DIAPH3: variants seen among roughly 807,000 people sequenced by gnomAD.
DIAPH3 encodes protein diaphanous homolog 3.
DIAPH3 carries 117 observed loss-of-function variants against 144.3 expected under a neutral mutation model. The observed-to-expected ratio is 0.81, with a 90% CI of 0.70 to 0.95. DIAPH3 has a LOEUF of 0.95. Ranked by LOEUF, DIAPH3 falls within the 40% of genes least tolerant of loss-of-function variation. The probability of loss-of-function intolerance (pLI) is 0.00; values close to 1 mark genes in which losing one functional copy is unlikely to be tolerated. For synonymous variants in DIAPH3, 519 were observed against 488.9 expected (o/e 1.06, Z -0.81); for missense variants, 1,421 against 1,412.7 (o/e 1.01, Z -0.09).
intron 27 of DIAPH3, among the ~76,000 whole-genome samples, chr13:59,726,615 C>G (rs1171228187): frequency 6.6e-6 from 1 of 152,130 alleles, no homozygotes; most frequent in African/African-American, 2.4e-5. Flanking sequence ...AGCCATAGAT[C>G]CAGCCTGAGA....
At chr13:60,002,071 T>C (rs2052557381) in intron 9 of DIAPH3, among the ~76,000 whole-genome samples, 1 of 152,162 alleles carries the variant, frequency 6.6e-6, no homozygotes, top group South Asian at 2.1e-4. Flanking sequence ...TAACACATCA[T>C]ACTGTATCTG....
At chr13:60,112,476 T>C (rs1205038307) in intron 2 of DIAPH3, among the ~76,000 whole-genome samples, 1 of 152,182 alleles carries the variant, frequency 6.6e-6, no homozygotes, top group Non-Finnish European at 1.5e-5. Context: ...CTTTGCTTTA[T>C]ATATTAGCAA....
At chr13:59,902,585 C>A (rs915032531) in intron 20 of DIAPH3, among the ~76,000 whole-genome samples, 1 of 152,084 alleles carries the variant, frequency 6.6e-6, no homozygotes, top group Non-Finnish European at 1.5e-5. Flanking sequence ...ACAAGCCTGG[C>A]CAACATGGTG....
intron 17 of DIAPH3, among the ~76,000 whole-genome samples, chr13:59,962,380 T>C (rs960243811): frequency 2.6e-5 from 4 of 152,224 alleles, no homozygotes; most frequent in Non-Finnish European, 5.9e-5. Context: ...AATACACATG[T>C]GAGGAAGCAA....
chr13:59,918,730 G>A (rs1316135587), intron 18 of DIAPH3, among the ~76,000 whole-genome samples: 1 of 152,000 alleles, frequency 6.6e-6, no homozygotes, highest in Admixed American at 6.6e-5. Flanking sequence ...CTAAAATAAA[G>A]TCACACTGAG....
intron 4 of DIAPH3, among the ~76,000 whole-genome samples, chr13:60,057,999 G>C (rs2056621793): frequency 6.6e-6 from 1 of 151,520 alleles, no homozygotes; most frequent in African/African-American, 2.4e-5. Flanking sequence ...TAATTTATGA[G>C]TGAGACCCCA....
intron 18 of DIAPH3, among the ~76,000 whole-genome samples, chr13:59,922,372 G>A (rs1041237335): frequency 6.6e-6 from 1 of 152,028 alleles, no homozygotes; most frequent in African/African-American, 2.4e-5. Context: ...AAAAATATAG[G>A]AAACCAAAAC....
intron 4 of DIAPH3, among the ~76,000 whole-genome samples, chr13:60,066,890 A>AG (rs2056988975): frequency 6.6e-6 from 1 of 152,230 alleles, no homozygotes; most frequent in African/African-American, 2.4e-5. Context: ...GTTAACCAAA[A>AG]TGTATCAAAG....
At chr13:60,040,312 A>C (rs1022401531) in intron 5 of DIAPH3, among the ~76,000 whole-genome samples, 2 of 150,780 alleles carry the variant, frequency 1.3e-5, no homozygotes, top group African/African-American at 4.9e-5. Context: ...TTCTCCAATG[A>C]TATTTTCTAT....
At chr13:59,921,796 A>G (rs2047532333) in intron 18 of DIAPH3, among the ~76,000 whole-genome samples, 1 of 152,058 alleles carries the variant, frequency 6.6e-6, no homozygotes, top group Non-Finnish European at 1.5e-5. Flanking sequence ...CTACTTGTCA[A>G]TAACCCTGAA....
intron 17 of DIAPH3, 40 bp from the exon 18 acceptor site, chr13:59,924,910 C>A (rs770923658): frequency 2.3e-5 from 37 of 1,575,514 alleles, no homozygotes; most frequent in Admixed American, 3.5e-5. Flanking sequence ...GGCAGCAATT[C>A]ATTCAAATAC....
chr13:59,898,155 A>G (rs1399243981), intron 20 of DIAPH3, among the ~76,000 whole-genome samples: 1 of 147,378 alleles, frequency 6.8e-6, no homozygotes, highest in Non-Finnish European at 1.5e-5. Flanking sequence ...AAAAAAAAAA[A>G]AGAAAAAGAA....
chr13:60,140,037 A>G (rs1273015110), intron 1 of DIAPH3, among the ~76,000 whole-genome samples: 14 of 152,188 alleles, frequency 9.2e-5, no homozygotes, highest in Admixed American at 9.2e-4. Context: ...AGTATTTGCT[A>G]TACAGAGAAT....
At chr13:59,786,014 G>A (rs1029582638) in intron 25 of DIAPH3, among the ~76,000 whole-genome samples, 8 of 152,034 alleles carry the variant, frequency 5.3e-5, no homozygotes, top group South Asian at 2.1e-4. Flanking sequence ...AGTTGCTCTG[G>A]ATAAAACATA....
Position 59,929,554 on chromosome 13 carries a change from C to CTTT in DIAPH3, c.2075-4687_2075-4685dup, listed in dbSNP as rs1167902415. ...TTTTTCTCCATATCTAAATTTTGTT[C>CTTT]TTTTTTTTTTTTTTTTTTTTTTTTT... On this transcript the variant is annotated intron_variant, in intron 17 of 27. Transcript: ENST00000400324. Among the ~76,000 whole-genome samples, 22 of 56,090 alleles carry CTTT rather than the reference C, an allele frequency of 3.9e-4. 3 individuals are homozygous for CTTT. The highest frequency in any genetic ancestry group is 7.9e-4 in the African/African-American group (11 of 13,936). The allele number at this position is 56,090 out of a possible 152,430, so 36.8% of individuals were successfully genotyped here.
At chr13:59,932,559 A>G (rs1486624493) in intron 17 of DIAPH3, among the ~76,000 whole-genome samples, 1 of 152,196 alleles carries the variant, frequency 6.6e-6, no homozygotes, top group Non-Finnish European at 1.5e-5. Context: ...AAATACAAGC[A>G]ACCTTCACCA....
At chr13:59,710,419 A>G (rs895661312) in intron 27 of DIAPH3, among the ~76,000 whole-genome samples, 7 of 152,162 alleles carry the variant, frequency 4.6e-5, no homozygotes, top group African/African-American at 1.7e-4. Context: ...TGGCACAACA[A>G]ATTATAAAGC....
intron 4 of DIAPH3, among the ~76,000 whole-genome samples, chr13:60,047,156 T>C (rs1387552985): frequency 1.3e-5 from 2 of 151,780 alleles, no homozygotes; most frequent in Non-Finnish European, 2.9e-5. Context: ...TACCTATAGA[T>C]AAAACTACAA....
rs1324633645 is a variant in DIAPH3 at position 60,156,918 on chromosome 13, C to CACATATATAT, written c.180+6668_180+6669insATATATATGT. The stretch of plus-strand genomic sequence containing the variant: ...TAGTGGCCCAGAGACCCAGATCCTT[C>CACATATATAT]ATATATATATATATATATATATTTT... On this transcript the variant is annotated intron_variant, in intron 1 of 27. Transcript: ENST00000400324. Among the ~76,000 whole-genome samples the CACATATATAT allele has an allele frequency of 9.5e-4, 53 of 55,610 alleles. 1 individual carries two copies. The highest frequency in any genetic ancestry group is 2.6e-3 in the Admixed American group (9 of 3,518). 36.5% of individuals were successfully genotyped at this position (55,610 alleles called of 152,430 possible).
Sources: gnomAD v4.1 joint callset for allele counts (sites outside exome capture counted in the v4.1 genomes callset) on GRCh38, gnomAD v4.1.1 for gene constraint, MANE v1.5 for transcripts, NCBI Gene and HGNC (gene_info 2026-07-23, HGNC 2026-07-21) for gene names.